UBE3A: variants seen among roughly 807,000 people sequenced by gnomAD.
UBE3A encodes the protein ubiquitin protein ligase E3A, also known as ubiquitin-protein ligase E3A.
In UBE3A, 6 loss-of-function variants were observed where a neutral mutation model predicts 83.4. The ratio of observed to expected loss-of-function variants is 0.07; its 90% CI spans 0.04 to 0.14. The LOEUF (loss-of-function observed/expected upper bound fraction) is 0.14. Ranked by LOEUF, UBE3A falls within the 10% of genes least tolerant of loss-of-function variation. The pLI, the probability that UBE3A is intolerant of heterozygous loss-of-function variation, is 1.00. For missense variants in UBE3A, 456 were observed against 1,036.1 expected, an observed-to-expected ratio of 0.44 and a Z score of 7.69; for synonymous variants, 337 against 355.4, an observed-to-expected ratio of 0.95 and a Z score of 0.58.
Position 25,337,562 on chromosome 15 carries a change from T to G in UBE3A, c.*1575A>C, listed in dbSNP as rs900623865. 2 of 152,122 alleles carry G rather than the reference T, an allele frequency of 1.3e-5. No homozygotes were observed. Among genetic ancestry groups the G allele is most frequent in the Non-Finnish European group, 2.9e-5 (2 of 68,004 alleles). The allele number at this position is 152,122 out of a possible 1,614,324, so 9.4% of individuals were successfully genotyped here. A position where few individuals can be genotyped will look rare whatever the true frequency, so the allele number is the denominator to read the frequency against. On this transcript the variant is annotated 3_prime_UTR_variant, in exon 13 of 13. Transcript: ENST00000648336. ...GTTCTGTCTCAATTATGAAAAAAAT[T>G]AATTAAAATAATCCTGAAAGACATC... is the stretch of plus-strand genomic sequence containing the variant.
At chr15:25,422,974 T>A (rs1040078353) in intron 1 of UBE3A, among the ~76,000 whole-genome samples, 7 of 151,142 alleles carry the variant, frequency 4.6e-5, no homozygotes, top group African/African-American at 1.5e-4. Context: ...GGTGACAGAG[T>A]GAGATCCTAT....
intron 1 of UBE3A, among the ~76,000 whole-genome samples, chr15:25,431,411 C>G (rs1287314619): frequency 1.3e-5 from 2 of 152,062 alleles, no homozygotes; most frequent in Admixed American, 6.6e-5. Flanking sequence ...GGTGTGATCT[C>G]AGCTCACTGC....
intron 6 of UBE3A, among the ~76,000 whole-genome samples, chr15:25,365,077 G>GT (rs2078861455): frequency 1.3e-5 from 2 of 152,138 alleles, no homozygotes; most frequent in East Asian, 3.9e-4. Context: ...TCTTCACTGC[G>GT]TAACTTCCTC....
At chr15:25,421,032 G>A (rs367908655) in intron 1 of UBE3A, among the ~76,000 whole-genome samples, 57 of 152,288 alleles carry the variant, frequency 3.7e-4, no homozygotes, top group African/African-American at 8.2e-4. Flanking sequence ...TGACTGATAC[G>A]GTTTGAATAT....
At position 25,366,253 on chromosome 15, in the gene UBE3A, G is replaced by C. The variant is rs560307377; in HGVS notation, c.1608+4313C>G. On this transcript the variant is annotated intron_variant, in intron 6 of 12. Coordinates refer to ENST00000648336, the MANE Select transcript of UBE3A (RefSeq NM_130839.5). ...ACATGTTAACCACAATATAGTGTAT[G>C]TGTAAGACAAAATTAAACATACCTA... Among the ~76,000 whole-genome samples the C allele has an allele frequency of 3.6e-4, 55 of 152,294 alleles. 1 individual carries two copies. The highest frequency in any genetic ancestry group is 1.2e-3 in the African/African-American group (51 of 41,576).
intron 1 of UBE3A, among the ~76,000 whole-genome samples, chr15:25,421,091 T>G (rs1889596982): frequency 6.6e-6 from 1 of 152,124 alleles, no homozygotes; most frequent in African/African-American, 2.4e-5. Flanking sequence ...ATGTTGGGGG[T>G]GGGGCCTGGT....
intron 11 of UBE3A, among the ~76,000 whole-genome samples, chr15:25,349,586 T>G (rs768410806): frequency 1.8e-4 from 28 of 152,210 alleles, no homozygotes; most frequent in Non-Finnish European, 3.5e-4. Context: ...CAAATAGTAC[T>G]GAACCCTGTA....
chr15:25,360,463 C>T lies in UBE3A; in HGVS notation c.1673G>A (p.Gly558Glu). The change falls in exon 7 of 13, where the codon GGA becomes GAA. Residue 558 changes from glycine to glutamate, a missense_variant. Physicochemically the swap from Gly to Glu is moderately conservative, Grantham distance 98. Transcript: ENST00000648336. ...LKKQLYVEFE[G>E]EQGVDEGGVS... ...ACCTCCCTCATCAACTCCTTGTTCT[C>T]CTTCAAATTCCACATACAACTGCTT... The T allele has an allele frequency of 6.2e-7, 1 of 1,613,910 alleles. No individual in the cohort carries two copies. Among genetic ancestry groups the T allele is most frequent in the Non-Finnish European group, 8.5e-7 (1 of 1,179,946 alleles).
intron 1 of UBE3A, among the ~76,000 whole-genome samples, chr15:25,428,824 T>C (rs1892182321): frequency 6.6e-6 from 1 of 152,172 alleles, no homozygotes; most frequent in Non-Finnish European, 1.5e-5. Context: ...CATATCCATT[T>C]AGGAAAAGAA....
chr15:25,377,686 C>G (rs188805921), intron 4 of UBE3A, among the ~76,000 whole-genome samples: 1 of 151,996 alleles, frequency 6.6e-6, no homozygotes, highest in African/African-American at 2.4e-5. Flanking sequence ...CTTAAAAACA[C>G]GAATACCGTG....
At chr15:25,437,211 G>C (rs544799808) in intron 1 of UBE3A, among the ~76,000 whole-genome samples, 3 of 152,190 alleles carry the variant, frequency 2.0e-5, no homozygotes, top group South Asian at 4.1e-4. Flanking sequence ...TTAAAAACAG[G>C]ATCTAATTTC....
At chr15:25,404,096 T>A (rs2087847992) in intron 4 of UBE3A, among the ~76,000 whole-genome samples, 2 of 152,356 alleles carry the variant, frequency 1.3e-5, no homozygotes, top group South Asian at 4.1e-4. Context: ...TTACATTATG[T>A]GTATTTTACT....
At chr15:25,360,558 A>T (rs747036762) in intron 6 of UBE3A, 31 bp from the exon 7 acceptor site, 60 of 1,609,766 alleles carry the variant, frequency 3.7e-5, no homozygotes, top group South Asian at 3.1e-4. Context: ...CATGAAAAGA[A>T]GATGATTGCT....
intron 4 of UBE3A, among the ~76,000 whole-genome samples, chr15:25,381,848 A>C (rs1424280910): frequency 6.6e-6 from 1 of 152,234 alleles, no homozygotes; most frequent in Non-Finnish European, 1.5e-5. Flanking sequence ...GGTCTGTTAC[A>C]ATGGGATGAA....
At chr15:25,409,711 G>C (rs1044231634) in intron 2 of UBE3A, among the ~76,000 whole-genome samples, 8 of 152,054 alleles carry the variant, frequency 5.3e-5, no homozygotes, top group Non-Finnish European at 1.2e-4. Context: ...AATGAGTAAA[G>C]ATTCAGAACA....
At chr15:25,364,689 G>A (rs1175095971) in intron 6 of UBE3A, among the ~76,000 whole-genome samples, 18 of 147,558 alleles carry the variant, frequency 1.2e-4, no homozygotes, top group African/African-American at 4.4e-4. Context: ...TGTCGCCCAG[G>A]CTGGAGTGCA....
chr15:25,387,108 T>C (rs1024415562), intron 4 of UBE3A, among the ~76,000 whole-genome samples: 1 of 152,172 alleles, frequency 6.6e-6, no homozygotes, highest in Non-Finnish European at 1.5e-5. Context: ...ACTTATTGGG[T>C]TGTGTCCCAA....
chr15:25,382,296 G>A (rs775756017), intron 4 of UBE3A, among the ~76,000 whole-genome samples: 1 of 151,704 alleles, frequency 6.6e-6, no homozygotes, highest in Non-Finnish European at 1.5e-5. Context: ...ACTGTGGCCT[G>A]GGCAAAAGAG....
chr15:25,420,243 A>G (rs1362023215), intron 1 of UBE3A, among the ~76,000 whole-genome samples: 1 of 152,208 alleles, frequency 6.6e-6, no homozygotes, highest in African/African-American at 2.4e-5. Context: ...AAGGAACATT[A>G]CCAGCGATAA....
Sources: allele counts gnomAD v4.1 joint callset (sites outside exome capture counted in the v4.1 genomes callset), GRCh38; gene constraint gnomAD v4.1.1; transcripts MANE v1.5; gene names NCBI Gene and HGNC (gene_info 2026-07-23, HGNC 2026-07-21).